The following MARK3 variants were observed in gnomAD, a reference collection of about 807,000 sequenced individuals.
MARK3 encodes the protein MAP/microtubule affinity-regulating kinase 3.
MARK3 carries 46 observed loss-of-function variants against 90.1 expected under a neutral mutation model. That is an observed-to-expected ratio of 0.51 (90% CI 0.40 to 0.65). The LOEUF is 0.65. Ranked by LOEUF, MARK3 falls within the 30% of genes least tolerant of loss-of-function variation. The probability of loss-of-function intolerance (pLI) is 0.00; values close to 1 mark genes in which losing one functional copy is unlikely to be tolerated. For missense variants in MARK3, 818 were observed against 947.2 expected (o/e 0.86, Z 1.79); for synonymous variants, 321 against 332.6 (o/e 0.97, Z 0.38).
chr14:103,488,490 A>G (rs140073820), intron 14 of MARK3, among the ~76,000 whole-genome samples: 78 of 152,346 alleles, frequency 5.1e-4, no homozygotes, highest in African/African-American at 1.9e-3. Flanking sequence ...TTTATAAGAC[A>G]TTTGTTTCCA....
intron 2 of MARK3, among the ~76,000 whole-genome samples, chr14:103,419,347 G>T (rs1041013069): frequency 6.6e-6 from 1 of 152,080 alleles, no homozygotes; most frequent in Admixed American, 6.6e-5. Flanking sequence ...ATTTATTAGG[G>T]TTATATGTAT....
chr14:103,458,332 G>T (rs1228042577), intron 6 of MARK3, among the ~76,000 whole-genome samples: 1 of 151,858 alleles, frequency 6.6e-6, no homozygotes, highest in Admixed American at 6.6e-5. Flanking sequence ...GATGGCAGGT[G>T]CCTGTAATCC....
chr14:103,468,035 G>A lies in MARK3; in HGVS notation c.1113G>A (p.Leu371=). 1.2e-6 allele frequency: 2 copies of A among 1,612,270 alleles called. No homozygotes were observed. The highest frequency in any genetic ancestry group is 1.1e-5 in the South Asian group (1 of 90,638). ...CTGTTTTTCTCATTTTCTCTTAGCT[G>A]GATGCTAGTGATTCCAGTTCTAGCA... ...YLLLGRKSSE[L]DASDSSSSSN... is the part of the protein sequence containing the mutation. The change falls in exon 12 of 18, where the codon CTG becomes CTA. Residue 371 remains leucine (L), a splice_region_variant and synonymous_variant. Transcript: ENST00000429436.
At position 103,414,605 on chromosome 14, in the gene MARK3, T is replaced by G. The variant is rs190962631; in HGVS notation, c.243+9338T>G. 2.0e-5 allele frequency among the ~76,000 whole-genome samples: 3 copies of G among 152,326 alleles called. No individual in the cohort carries two copies. The East Asian group carries it at 5.8e-4, about 29-fold the overall frequency. ...TTGCCTATTGAAGAACTAAAACCTC[T>G]GAAGAAAACCCAGAGGGTTGTGGGA... On this transcript the variant is annotated intron_variant, in intron 2 of 17. Coordinates refer to ENST00000429436, the MANE Select transcript of MARK3 (RefSeq NM_001128918.3).
intron 3 of MARK3, among the ~76,000 whole-genome samples, 189 bp from the exon 4 acceptor site, chr14:103,448,730 G>A (rs1172949402): frequency 6.6e-6 from 1 of 152,032 alleles, no homozygotes; most frequent in Non-Finnish European, 1.5e-5. Context: ...ATACTATTTG[G>A]TAATAGTTTA....
rs117784672 is a variant in MARK3 at position 103,430,998 on chromosome 14, C to G, written c.297+2558C>G. Among the ~76,000 whole-genome samples, 168 of 152,274 alleles carry G rather than the reference C, an allele frequency of 1.1e-3. 3 individuals are homozygous for G. The East Asian group carries it at 0.031, about 28-fold the overall frequency. On this transcript the variant is annotated intron_variant, in intron 3 of 17. Transcript: ENST00000429436. ...TACAAATGCACACCACAGCATCTGGCTATATACCTTCCAATGTCTCACTAG... is the reference window on the plus strand; with the variant it reads ...TACAAATGCACACCACAGCATCTGGGTATATACCTTCCAATGTCTCACTAG...
rs1428467906 is a variant in MARK3 at position 103,468,026 on chromosome 14, C to G, written c.1111-7C>G. On this transcript the variant is annotated splice_polypyrimidine_tract_variant and splice_region_variant and intron_variant, in intron 11 of 17. Transcript: ENST00000429436. Reference sequence around the variant, plus strand: ...TGGTTTGCTCTGTTTTTCTCATTTTCTCTTAGCTGGATGCTAGTGATTCCA... The same window carrying G: ...TGGTTTGCTCTGTTTTTCTCATTTTGTCTTAGCTGGATGCTAGTGATTCCA... 1 of 1,610,244 alleles carries G rather than the reference C, an allele frequency of 6.2e-7. No homozygotes were observed. Among genetic ancestry groups the G allele is most frequent in the Non-Finnish European group, 8.5e-7 (1 of 1,178,788 alleles).
Position 103,428,444 on chromosome 14 carries a change from A to AGATTG in MARK3, c.297+6_297+10dup, listed in dbSNP as rs375955595. On this transcript the variant is annotated splice_donor_region_variant and intron_variant, in intron 3 of 17. Transcript: ENST00000429436. ...GAATCCAACAAGTCTACAAAAGGTA[A>AGATTG]GATTGGTTCAATGTCTAGTACTTTT... 3 of 1,505,480 alleles carry AGATTG rather than the reference A, an allele frequency of 2.0e-6. No individual in the cohort carries two copies. The African/African-American group carries it at 4.2e-5, about 21-fold the overall frequency. The allele number at this position is 1,505,480 out of a possible 1,614,324, so 93.3% of individuals were successfully genotyped here. A position where few individuals can be genotyped will look rare whatever the true frequency, so the allele number is the denominator to read the frequency against.
intron 1 of MARK3, among the ~76,000 whole-genome samples, chr14:103,404,025 A>G (rs2140658369): frequency 6.6e-6 from 1 of 152,362 alleles, no homozygotes; most frequent in African/African-American, 2.4e-5. Flanking sequence ...TTAGAGAAAT[A>G]ATGAAGAAGT....
At chr14:103,415,178 T>C (rs1163073887) in intron 2 of MARK3, among the ~76,000 whole-genome samples, 1 of 100,794 alleles carries the variant, frequency 9.9e-6, no homozygotes, top group East Asian at 3.0e-4. Flanking sequence ...AAAAAAAAGA[T>C]ACTCATGAAA....
In MARK3 at chr14:103,466,044, C is replaced by T; in HGVS notation, c.850C>T (p.Leu284Phe). 6.2e-7 allele frequency: 1 copy of T among 1,613,998 alleles called. No homozygotes were observed. Among genetic ancestry groups the T allele is most frequent in the South Asian group, 1.1e-5 (1 of 91,068 alleles). The stretch of plus-strand genomic sequence containing the variant: ...CATGTCTACAGACTGTGAAAACCTT[C>T]TCAAACGTTTCCTGGTGCTAAATCC... Reference protein sequence around the residue: ...FYMSTDCENLLKRFLVLNPIK... With the variant: ...FYMSTDCENLFKRFLVLNPIK... Residue 284 changes from leucine to phenylalanine, a missense_variant, in exon 9 of 18, where the codon CTC (leucine) becomes TTC (phenylalanine). Leu to Phe is a conservative substitution (Grantham distance 22). Around this residue, in one of 3 missense-constraint regions of MARK3, gnomAD observed 560 missense variants for 613.5 expected, o/e 0.91. Coordinates refer to ENST00000429436, the MANE Select transcript of MARK3 (RefSeq NM_001128918.3).
chr14:103,469,140 C>T (rs894852995), intron 12 of MARK3: 1 of 151,562 alleles, frequency 6.6e-6, no homozygotes, highest in Non-Finnish European at 1.5e-5. Context: ...ATGATTTTTA[C>T]CTTTTTTATT....
chr14:103,431,306 T>A (rs2092574760), intron 3 of MARK3, among the ~76,000 whole-genome samples: 1 of 152,130 alleles, frequency 6.6e-6, no homozygotes, highest in African/African-American at 2.4e-5. Flanking sequence ...TTAGCCAGGC[T>A]GGTCTGGTCT....
At chr14:103,396,359 T>C (rs542214672) in intron 1 of MARK3, among the ~76,000 whole-genome samples, 8 of 152,292 alleles carry the variant, frequency 5.3e-5, no homozygotes, top group Admixed American at 5.2e-4. Context: ...GTCATTTTCC[T>C]TCTTTTTTTA....
rs146800798 is a variant in MARK3, at chr14:103,409,562, A to G, written c.243+4295A>G. On this transcript the variant is annotated intron_variant, in intron 2 of 17. Transcript: ENST00000429436. ...ATGTAAACATTATAGAAATATAGAA[A>G]TTCATTATGTAGAAAGTAAGTTCCT... 1.7e-4 allele frequency among the ~76,000 whole-genome samples: 26 copies of G among 152,046 alleles called. 1 individual carries two copies. Among genetic ancestry groups the G allele is most frequent in the African/African-American group, 5.8e-4 (24 of 41,528 alleles).
intron 6 of MARK3, 102 bp from the exon 7 acceptor site, chr14:103,462,303 C>CCACACA (rs2093417715): frequency 1.3e-6 from 1 of 764,456 alleles, no homozygotes. Context: ...GACATTCGAG[C>CCACACA]GTATACTGAG....
chr14:103,417,944 C>T (rs2092021919), intron 2 of MARK3, among the ~76,000 whole-genome samples: 1 of 152,118 alleles, frequency 6.6e-6, no homozygotes, highest in Admixed American at 6.5e-5. Flanking sequence ...TGGCGCGCAC[C>T]TGTAATCCCA....
At chr14:103,431,524 A>T (rs991938322) in intron 3 of MARK3, among the ~76,000 whole-genome samples, 31 of 152,102 alleles carry the variant, frequency 2.0e-4, no homozygotes, top group African/African-American at 7.5e-4. Flanking sequence ...CCAGCTTCTC[A>T]GGAGGCTGAG....
intron 12 of MARK3, among the ~76,000 whole-genome samples, chr14:103,472,521 C>T (rs1183189605): frequency 6.6e-6 from 1 of 151,378 alleles, no homozygotes; most frequent in Admixed American, 6.6e-5. Context: ...GTGTCAAGTG[C>T]CTGTAGTCCT....
Sources: allele counts gnomAD v4.1 joint callset (sites outside exome capture counted in the v4.1 genomes callset), GRCh38; gene constraint gnomAD v4.1.1; regional missense constraint gnomAD v4.1.1; transcripts MANE v1.5; gene names NCBI Gene and HGNC (gene_info 2026-07-23, HGNC 2026-07-21).